FTO: variants seen among roughly 807,000 people sequenced by gnomAD.
FTO encodes the protein FTO alpha-ketoglutarate dependent dioxygenase, also known as alpha-ketoglutarate-dependent dioxygenase FTO.
Under a neutral mutation model 63.9 loss-of-function variants are expected in FTO, and 47 were observed. The ratio of observed to expected loss-of-function variants is 0.74; its 90% confidence interval spans 0.58 to 0.94. FTO has a LOEUF of 0.94. Among genes scored for constraint, FTO ranks in the 40% least tolerant of loss-of-function variants. The probability of loss-of-function intolerance (pLI) is 0.00; values close to 1 mark genes in which losing one functional copy is unlikely to be tolerated. For missense variants in FTO, 562 were observed against 618.1 expected (o/e 0.91, Z 0.96); for synonymous variants, 207 against 224.4 (o/e 0.92, Z 0.69).
chr16:53,940,323 C>G (rs920505562), intron 8 of FTO, among the ~76,000 whole-genome samples: 1 of 152,082 alleles, frequency 6.6e-6, no homozygotes, highest in Admixed American at 6.6e-5. Flanking sequence ...AGGACTTACC[C>G]CTCTTGTTGG....
rs112470627 is a variant in FTO at position 53,926,853 on chromosome 16, TA to T, written c.1240-7121del. Among the ~76,000 whole-genome samples, 550 of 148,616 alleles carry T rather than the reference TA, an allele frequency of 3.7e-3. 5 individuals are homozygous for T. Among genetic ancestry groups the T allele is most frequent in the African/African-American group, 0.01 (419 of 40,720 alleles). On this transcript the variant is annotated intron_variant, in intron 7 of 8. Transcript: ENST00000471389. ...TTCCCCAGGCTAAGGAATTTGGATT[TA>T]AAAAAAAAAATCATTTTTTGTGTGT... is the stretch of plus-strand genomic sequence containing the variant.
chr16:53,909,357 A>G (rs534485839), intron 7 of FTO, among the ~76,000 whole-genome samples: 1 of 152,208 alleles, frequency 6.6e-6, no homozygotes, highest in South Asian at 2.1e-4. Context: ...TGCAGTGGCA[A>G]ATGAGGGGGT....
chr16:53,878,260 G>T (rs763693803), intron 5 of FTO, among the ~76,000 whole-genome samples: 1 of 151,966 alleles, frequency 6.6e-6, no homozygotes, highest in Non-Finnish European at 1.5e-5. Flanking sequence ...ATCATGCCAC[G>T]CCACTGTACT....
chr16:53,853,205 C>T (rs932475560), intron 4 of FTO, among the ~76,000 whole-genome samples: 4 of 151,958 alleles, frequency 2.6e-5, no homozygotes, highest in African/African-American at 7.3e-5. Flanking sequence ...CTGGGGAGGC[C>T]GAGGCCAGAG....
At chr16:53,829,706 G>A (rs1175618326) in intron 3 of FTO, among the ~76,000 whole-genome samples, 1 of 152,156 alleles carries the variant, frequency 6.6e-6, no homozygotes, top group Non-Finnish European at 1.5e-5. Context: ...TAGACAGTAT[G>A]GGAACTCCAA....
chr16:54,011,451 A>G (rs2084331807), intron 8 of FTO, among the ~76,000 whole-genome samples: 1 of 152,208 alleles, frequency 6.6e-6, no homozygotes, highest in Non-Finnish European at 1.5e-5. Context: ...TATCAGCCTA[A>G]TGGTTCTCAG....
chr16:53,887,315 A>C (rs970623135), intron 6 of FTO, among the ~76,000 whole-genome samples: 1 of 152,038 alleles, frequency 6.6e-6, no homozygotes, highest in African/African-American at 2.4e-5. Flanking sequence ...ACTCATTCTG[A>C]TGGGACATAT....
chr16:53,773,196 T>TA lies in FTO; in HGVS notation c.46-36936dup, dbSNP rs369567889. 1.7e-3 allele frequency among the ~76,000 whole-genome samples: 252 copies of TA among 151,952 alleles called. 2 individuals carry two copies. The highest frequency in any genetic ancestry group is 5.4e-3 in the African/African-American group (225 of 41,462). ...GAAAGAATAAAATATATGTATGCTTTAAAAAAAAGCAAGCATTTAGTTTGG... is the reference window on the plus strand; with the variant it reads ...GAAAGAATAAAATATATGTATGCTTTAAAAAAAAAGCAAGCATTTAGTTTGG... On this transcript the variant is annotated intron_variant, in intron 1 of 8. Transcript: ENST00000471389.
intron 8 of FTO, among the ~76,000 whole-genome samples, chr16:53,940,073 GT>G (rs2082491202): frequency 6.6e-6 from 1 of 152,106 alleles, no homozygotes; most frequent in Non-Finnish European, 1.5e-5. Context: ...CTGTCAGGCT[GT>G]TTTTCATGTC....
intron 8 of FTO, chr16:53,994,274 CT>C (rs1192772231): frequency 6.6e-6 from 1 of 152,162 alleles, no homozygotes; most frequent in Non-Finnish European, 1.5e-5. Context: ...ATCTCTTAAA[CT>C]TTATATGCAC....
At chr16:53,933,401 G>T (rs1269353568) in intron 7 of FTO, among the ~76,000 whole-genome samples, 1 of 152,168 alleles carries the variant, frequency 6.6e-6, no homozygotes, top group African/African-American at 2.4e-5. Flanking sequence ...CTCATTCAAA[G>T]AAATGGTCTT....
intron 3 of FTO, 117 bp from the exon 4 acceptor site, chr16:53,844,038 A>G: frequency 1.3e-6 from 1 of 780,972 alleles, no homozygotes; most frequent in Non-Finnish European, 2.1e-6. Context: ...GGGAAGATAT[A>G]TTTCATTTAA....
intron 8 of FTO, among the ~76,000 whole-genome samples, chr16:54,022,283 T>G (rs1359182470): frequency 6.6e-6 from 1 of 152,176 alleles, no homozygotes; most frequent in Non-Finnish European, 1.5e-5. Flanking sequence ...AGTGAAAGAA[T>G]GGTGCTGCTA....
intron 8 of FTO, among the ~76,000 whole-genome samples, chr16:53,960,983 AT>A (rs922992914): frequency 2.8e-4 from 42 of 152,174 alleles, no homozygotes; most frequent in African/African-American, 9.7e-4. Context: ...CTGTCATTCT[AT>A]CTTGGACTGG....
chr16:53,809,933 T>C lies in FTO; in HGVS notation c.46-207T>C, dbSNP rs571358062. Among the ~76,000 whole-genome samples, 14 of 152,116 alleles carry C rather than the reference T, an allele frequency of 9.2e-5. No homozygotes were observed. The East Asian group carries it at 1.2e-3, about 13-fold the overall frequency. ...TCCAGCCAAGGTGACAGAGCGAGAC[T>C]CTGTCTCTAAAAGAAAAGAAAAAAA... On this transcript the variant is annotated intron_variant, in intron 1 of 8. Transcript: ENST00000471389.
chr16:54,081,631 C>T (rs573867612), intron 8 of FTO, among the ~76,000 whole-genome samples: 1 of 152,214 alleles, frequency 6.6e-6, no homozygotes, highest in South Asian at 2.1e-4. Flanking sequence ...TACTAAACGC[C>T]CCCAAACACT....
chr16:53,960,714 G>T (rs1025133984), intron 8 of FTO, among the ~76,000 whole-genome samples: 2 of 151,766 alleles, frequency 1.3e-5, no homozygotes, highest in East Asian at 1.9e-4. Flanking sequence ...CCAGAAATGG[G>T]GGTGGGGGGG....
chr16:53,752,460 C>T (rs912730764), intron 1 of FTO, among the ~76,000 whole-genome samples: 2 of 152,200 alleles, frequency 1.3e-5, no homozygotes, highest in Admixed American at 1.3e-4. Flanking sequence ...CATCCAGTCA[C>T]GTAAGTAGGG....
At chr16:53,781,869 C>T (rs998833328) in intron 1 of FTO, among the ~76,000 whole-genome samples, 2 of 152,120 alleles carry the variant, frequency 1.3e-5, no homozygotes, top group African/African-American at 4.8e-5. Context: ...GAGACTGGCA[C>T]ATCAGGGTTC....
Sources: gnomAD v4.1 joint callset for allele counts (sites outside exome capture counted in the v4.1 genomes callset) on GRCh38, gnomAD v4.1.1 for gene constraint, MANE v1.5 for transcripts, NCBI Gene and HGNC (gene_info 2026-07-23, HGNC 2026-07-21) for gene names.